Variants in ALPK2 observed in about 807,000 individuals in gnomAD.
ALPK2 encodes the protein alpha-protein kinase 2.
ALPK2 carries 127 observed loss-of-function variants against 163.1 expected under a neutral mutation model. The observed-to-expected ratio is 0.78, with a 90% confidence interval of 0.67 to 0.90. The LOEUF (loss-of-function observed/expected upper bound fraction) is 0.90. Among genes scored for constraint, ALPK2 ranks in the 40% least tolerant of loss-of-function variants. ALPK2 has a pLI of 0.00. For missense variants in ALPK2, 2,360 were observed against 2,589.6 expected (o/e 0.91, Z 1.92); for synonymous variants, 953 against 959.1 (o/e 0.99, Z 0.12).
chr18:58,611,673 G>A lies in ALPK2; in HGVS notation c.109+16C>T, dbSNP rs2052132105. On this transcript the variant is annotated intron_variant, in intron 2 of 12. Transcript: ENST00000361673. Reference sequence around the variant, plus strand: ...GGAGATTTTAGAGGGTGATTAGCTAGTCTAGTGATGGTTACCAGATATTAT... The same window carrying A: ...GGAGATTTTAGAGGGTGATTAGCTAATCTAGTGATGGTTACCAGATATTAT... The A allele has an allele frequency of 6.2e-7, 1 of 1,603,740 alleles. No individual in the cohort carries two copies. The highest frequency in any genetic ancestry group is 8.5e-7 in the Non-Finnish European group (1 of 1,171,906).
At chr18:58,521,625 C>CTTTTTTTTTTTT (rs1375364902) in intron 8 of ALPK2, among the ~76,000 whole-genome samples, 65 of 50,574 alleles carry the variant, frequency 1.3e-3, no homozygotes, top group Non-Finnish European at 1.8e-3. Context: ...CTTTCTCTCT[C>CTTTTTTTTTTTT]TCTTTTTTTT....
At chr18:58,529,379 G>T in intron 5 of ALPK2, 141 bp from the exon 6 acceptor site, 1 of 909,106 alleles carries the variant, frequency 1.1e-6, no homozygotes, top group Non-Finnish European at 1.6e-6. Flanking sequence ...TCTGAGGGGA[G>T]AGGTGGCTTG....
At chr18:58,607,619 C>T (rs2052105487) in intron 2 of ALPK2, among the ~76,000 whole-genome samples, 180 bp from the exon 3 acceptor site, 1 of 152,106 alleles carries the variant, frequency 6.6e-6, no homozygotes, top group African/African-American at 2.4e-5. Flanking sequence ...CGTAATTCAG[C>T]AGACACTATT....
intron 11 of ALPK2, among the ~76,000 whole-genome samples, chr18:58,498,875 T>G (rs140275023): frequency 6.6e-6 from 1 of 152,306 alleles, no homozygotes; most frequent in African/African-American, 2.4e-5. Flanking sequence ...TCTTTGTAAA[T>G]TACCCAGTCT....
intron 12 of ALPK2, among the ~76,000 whole-genome samples, chr18:58,494,568 AT>A (rs201019466): frequency 2.0e-4 from 30 of 149,272 alleles, no homozygotes; most frequent in Middle Eastern, 3.4e-3. Flanking sequence ...ACATATGGGA[AT>A]TTTTTTTTTT....
intron 11 of ALPK2, among the ~76,000 whole-genome samples, chr18:58,499,084 A>G (rs562844707): frequency 1.3e-5 from 2 of 152,286 alleles, no homozygotes; most frequent in Admixed American, 1.3e-4. Flanking sequence ...CACTGAACCA[A>G]TGGCCTGGCG....
chr18:58,605,907 C>G (rs949340262), intron 3 of ALPK2, among the ~76,000 whole-genome samples: 3 of 152,206 alleles, frequency 2.0e-5, no homozygotes, highest in Non-Finnish European at 4.4e-5. Flanking sequence ...TATTTACCTC[C>G]ATCTCTAGCG....
chr18:58,591,631 G>A (rs576917252), intron 3 of ALPK2, among the ~76,000 whole-genome samples: 13 of 152,190 alleles, frequency 8.5e-5, no homozygotes, highest in Non-Finnish European at 1.8e-4. Context: ...AAGATGGTGT[G>A]TGCCTGTGGT....
chr18:58,537,959 A>T lies in ALPK2; in HGVS notation c.2228T>A (p.Ile743Asn). The T allele has an allele frequency of 6.2e-7, 1 of 1,614,194 alleles. No individual in the cohort carries two copies. Among genetic ancestry groups the T allele is most frequent in the Non-Finnish European group, 8.5e-7 (1 of 1,180,030 alleles). Residue 743 changes from isoleucine to asparagine, a missense_variant, in exon 5 of 13, where the codon ATC (isoleucine) becomes AAC (asparagine). Ile to Asn is a moderately radical substitution (Grantham distance 149, BLOSUM62 -3). Coordinates refer to ENST00000361673, the MANE Select transcript of ALPK2 (RefSeq NM_052947.4). ...CATAGTCTCATCATTGGCTTCTGAGATGCTCTGCTCATATTTTAGGTCTTC... is the reference window on the plus strand; with the variant it reads ...CATAGTCTCATCATTGGCTTCTGAGTTGCTCTGCTCATATTTTAGGTCTTC... ...FREDLKYEQS[I>N]SEANDETMSP...
At chr18:58,550,080 T>A (rs1340547584) in intron 4 of ALPK2, among the ~76,000 whole-genome samples, 1 of 152,106 alleles carries the variant, frequency 6.6e-6, no homozygotes, top group African/African-American at 2.4e-5. Context: ...TGTGCAGAGA[T>A]AAGATTCTCT....
In ALPK2 at chr18:58,537,698, T is replaced by C. The variant is rs2144149035; in HGVS notation, c.2489A>G (p.Tyr830Cys). 1 of 1,614,136 alleles carries C rather than the reference T, an allele frequency of 6.2e-7. No homozygotes were observed. Among genetic ancestry groups the C allele is most frequent in the East Asian group, 2.2e-5 (1 of 44,866 alleles). ...TACAGAGCAAATTTCTTGAGGCGAA[T>C]ATTTATCAACTGGTCTCCCAACAAG... ...DSLVGRPVDK[Y>C]SPQEICSVDT... The change falls in exon 5 of 13, where the codon TAT (tyrosine) becomes TGT (cysteine). Residue 830 changes from tyrosine to cysteine, a missense_variant. Tyr to Cys is a radical substitution (Grantham distance 194, BLOSUM62 -2). Transcript: ENST00000361673.
intron 4 of ALPK2, among the ~76,000 whole-genome samples, chr18:58,557,347 C>T (rs1048215578): frequency 2.6e-5 from 4 of 152,006 alleles, no homozygotes; most frequent in African/African-American, 9.7e-5. Context: ...GTGGGGGAGG[C>T]GTGTCATTAG....
Position 58,515,110 on chromosome 18 carries a change from C to T in ALPK2, c.5941-29G>A, listed in dbSNP as rs758809261. 6.5e-6 allele frequency: 10 copies of T among 1,541,678 alleles called. No individual in the cohort carries two copies. In the East Asian group the frequency reaches 2.3e-4, roughly 35 times the overall value. On this transcript the variant is annotated intron_variant, in intron 9 of 12. Transcript: ENST00000361673. Reference sequence around the variant, plus strand: ...TATCGCCAAAATACATAGAAAGCCCCAGTGACTACAGGAAATTCAGACAGT... The same window carrying T: ...TATCGCCAAAATACATAGAAAGCCCTAGTGACTACAGGAAATTCAGACAGT...
rs773674188 is a variant in ALPK2, at chr18:58,536,123, T to C, written c.4064A>G (p.Asp1355Gly). 7.4e-6 allele frequency: 12 copies of C among 1,614,162 alleles called. No individual in the cohort carries two copies. In the East Asian group the frequency reaches 2.7e-4, roughly 36 times the overall value. Residue 1355 changes from aspartate (D) to glycine (G), a missense_variant, in exon 5 of 13, where the codon GAT (aspartate) becomes GGT (glycine). Coordinates refer to ENST00000361673, the MANE Select transcript of ALPK2 (RefSeq NM_052947.4). ...PVDEKELSVT[D>G]SLSAASETGG... is the part of the protein sequence containing the mutation. ...AGTTTCAGAAGCCGCTGACAGTGAA[T>C]CTGTGACAGATAACTCCTTTTCATC...
intron 4 of ALPK2, among the ~76,000 whole-genome samples, chr18:58,569,393 T>C (rs535094261): frequency 6.6e-6 from 1 of 152,242 alleles, no homozygotes; most frequent in African/African-American, 2.4e-5. Context: ...CATGCATAGC[T>C]AGGGTTGAGG....
At chr18:58,489,093 G>A (rs755751323) in intron 12 of ALPK2, among the ~76,000 whole-genome samples, 110 of 152,138 alleles carry the variant, frequency 7.2e-4, no homozygotes, top group Non-Finnish European at 7.6e-4. Context: ...CTGTGGAAAC[G>A]CGGAGGGTGC....
chr18:58,541,609 GACCATCT>G (rs1448973109), intron 4 of ALPK2, among the ~76,000 whole-genome samples: 1 of 152,190 alleles, frequency 6.6e-6, no homozygotes, highest in Admixed American at 6.5e-5. Context: ...CACATTTAGT[GACCATCT>G]ACTTTATACC....
chr18:58,492,212 A>T (rs146266512), intron 12 of ALPK2, among the ~76,000 whole-genome samples: 124 of 152,228 alleles, frequency 8.1e-4, no homozygotes, highest in Admixed American at 2.7e-3. Flanking sequence ...ATACACACAG[A>T]CACACATGCA....
chr18:58,597,031 T>A (rs929390652), intron 3 of ALPK2, among the ~76,000 whole-genome samples: 1 of 152,154 alleles, frequency 6.6e-6, no homozygotes, highest in African/African-American at 2.4e-5. Flanking sequence ...CTCATGCCTG[T>A]AATCCCAGCA....
Sources: allele counts gnomAD v4.1 joint callset (sites outside exome capture counted in the v4.1 genomes callset), GRCh38; gene constraint gnomAD v4.1.1; transcripts MANE v1.5; gene names NCBI Gene and HGNC (gene_info 2026-07-23, HGNC 2026-07-21).